Variants in LGSN observed in about 807,000 individuals in gnomAD.
LGSN encodes lengsin.
A neutral mutation model predicts 19.5 loss-of-function variants in LGSN; 21 were observed. The observed-to-expected ratio is 1.07, with a 90% CI of 0.76 to 1.55. The LOEUF (loss-of-function observed/expected upper bound fraction) is 1.55. LGSN is among the 40% of genes most tolerant of loss of function. LGSN has a pLI of 0.00. For missense variants in LGSN, 673 were observed against 608.5 expected, an observed-to-expected ratio of 1.11 and a Z score of -1.12; for synonymous variants, 257 against 215.6, an observed-to-expected ratio of 1.19 and a Z score of -1.68.
chr6:63,378,401 G>A, the LGSN span, among the ~76,000 whole-genome samples: 1 of 152,104 alleles, frequency 6.6e-6, no homozygotes, highest in Non-Finnish European at 1.5e-5. Flanking sequence ...ACCTAGAAAA[G>A]TAGGGGCAGA....
chr6:63,571,405 T>C, the LGSN span: 15 of 152,172 alleles, frequency 9.9e-5, no homozygotes, highest in Non-Finnish European at 1.6e-4. Flanking sequence ...GTTTGGTCCT[T>C]CTCCAGAGCT....
At chr6:63,481,531 A>G in the LGSN span, among the ~76,000 whole-genome samples, 1 of 150,988 alleles carries the variant, frequency 6.6e-6, no homozygotes, top group Non-Finnish European at 1.5e-5. Flanking sequence ...TTTTTTTAGT[A>G]GAGACGGGGT....
the LGSN span, among the ~76,000 whole-genome samples, chr6:63,495,477 G>C: frequency 1.1e-4 from 1 of 9,376 alleles, no homozygotes; most frequent in Non-Finnish European, 2.1e-4. Context: ...TTTTTTTTTT[G>C]AGATGGAGTC....
At chr6:63,464,434 A>T in the LGSN span, among the ~76,000 whole-genome samples, 1 of 151,894 alleles carries the variant, frequency 6.6e-6, no homozygotes, top group African/African-American at 2.4e-5. Context: ...TCCTTCAATA[A>T]ATAATGTGCA....
the LGSN span, among the ~76,000 whole-genome samples, chr6:63,516,533 A>T: frequency 6.6e-6 from 1 of 152,316 alleles, no homozygotes; most frequent in African/African-American, 2.4e-5. Context: ...TAGTAAGTCC[A>T]TTTAACTTCT....
the LGSN span, among the ~76,000 whole-genome samples, chr6:63,517,228 G>A: frequency 2.9e-3 from 448 of 152,158 alleles, 2 homozygotes; most frequent in Middle Eastern, 0.01. Flanking sequence ...TTACCTTTCA[G>A]ACCAGTGGCA....
the LGSN span, among the ~76,000 whole-genome samples, chr6:63,497,745 C>T: frequency 2.0e-5 from 2 of 100,886 alleles, no homozygotes; most frequent in Admixed American, 1.0e-4. Flanking sequence ...TGAATGACAA[C>T]AACAAATCAT....
At chr6:63,298,371 A>G (rs1430960877) in intron 1 of LGSN, among the ~76,000 whole-genome samples, 1 of 152,210 alleles carries the variant, frequency 6.6e-6, no homozygotes, top group Non-Finnish European at 1.5e-5. Flanking sequence ...GGTTAGACTC[A>G]ATAACTAATT....
the LGSN span, among the ~76,000 whole-genome samples, chr6:63,411,031 CTAAATTTATCAGGA>C: frequency 8.5e-5 from 13 of 152,208 alleles, no homozygotes; most frequent in South Asian, 1.0e-3. Context: ...TAAATTGTGC[CTAAATTTATCAGGA>C]TTATTTCTCA....
rs1369511470 is a variant in LGSN at position 63,279,942 on chromosome 6, A to C, written c.*79T>G. ...TGTTATTGTTGCTGTTGTTAATTAC[A>C]AAAGTTCAGTCTTTTTGTTTTGGTA... On this transcript the variant is annotated 3_prime_UTR_variant, in exon 4 of 4. Transcript: ENST00000370657. 1.5e-6 allele frequency: 2 copies of C among 1,351,294 alleles called. No individual in the cohort carries two copies. The highest frequency in any genetic ancestry group is 2.0e-6 in the Non-Finnish European group (2 of 989,612). 83.7% of individuals were successfully genotyped at this position (1,351,294 alleles called of 1,614,324 possible). A position where few individuals can be genotyped will look rare whatever the true frequency, so the allele number is the denominator to read the frequency against.
chr6:63,463,252 A>G, the LGSN span, among the ~76,000 whole-genome samples: 1 of 152,218 alleles, frequency 6.6e-6, no homozygotes, highest in African/African-American at 2.4e-5. Flanking sequence ...AGCATCTAGG[A>G]TAGTACCTGA....
chr6:63,538,547 T>TTAA, the LGSN span, among the ~76,000 whole-genome samples: 250 of 152,316 alleles, frequency 1.6e-3, 1 homozygote, highest in Non-Finnish European at 7.4e-4. Flanking sequence ...CAATAAATAA[T>TTAA]TAATAGGATT....
chr6:63,486,435 A>C, the LGSN span, among the ~76,000 whole-genome samples: 1 of 152,076 alleles, frequency 6.6e-6, no homozygotes, highest in Non-Finnish European at 1.5e-5. Flanking sequence ...CAGTAGGGAG[A>C]CAATGAGCCC....
chr6:63,327,553 G>A, the LGSN span, among the ~76,000 whole-genome samples: 8 of 152,162 alleles, frequency 5.3e-5, no homozygotes, highest in African/African-American at 1.9e-4. Flanking sequence ...GTATTGGAGA[G>A]TCGCTGCTGC....
the LGSN span, among the ~76,000 whole-genome samples, chr6:63,563,955 A>C: frequency 6.6e-6 from 1 of 152,204 alleles, no homozygotes; most frequent in African/African-American, 2.4e-5. Flanking sequence ...ATGTGCATTA[A>C]TATGTCTGAG....
the LGSN span, among the ~76,000 whole-genome samples, chr6:63,496,433 G>A: frequency 6.6e-6 from 1 of 152,152 alleles, no homozygotes; most frequent in Non-Finnish European, 1.5e-5. Flanking sequence ...CGGAATTATA[G>A]GCAATTAAGA....
At chr6:63,475,450 G>A in the LGSN span, among the ~76,000 whole-genome samples, 70,482 of 151,868 alleles carry the variant, frequency 0.46, 18,187 homozygotes, top group Non-Finnish European at 0.56. Flanking sequence ...AAATCCTGGG[G>A]AAGTGATATG....
At chr6:63,491,669 A>T in the LGSN span, among the ~76,000 whole-genome samples, 1 of 152,182 alleles carries the variant, frequency 6.6e-6, no homozygotes, top group Non-Finnish European at 1.5e-5. Context: ...GCAATAGATG[A>T]GTTTCTGATA....
chr6:63,408,411 G>C, the LGSN span, among the ~76,000 whole-genome samples: 9,665 of 143,314 alleles, frequency 0.067, 537 homozygotes, highest in African/African-American at 0.17. Flanking sequence ...ACAAACCTGA[G>C]AAAAACAAGC....
Sources: gnomAD v4.1 joint callset for allele counts (sites outside exome capture counted in the v4.1 genomes callset) on GRCh38, gnomAD v4.1.1 for gene constraint, MANE v1.5 for transcripts, NCBI Gene and HGNC (gene_info 2026-07-23, HGNC 2026-07-21) for gene names.